Variants in B4GALT6 observed in about 807,000 individuals in gnomAD.
The protein encoded by B4GALT6 is UDP-Gal:beta-GlcNAc beta-1,4-galactosyltransferase 6.
Under a neutral mutation model 46.3 loss-of-function variants are expected in B4GALT6, and 14 were observed. The ratio of observed to expected loss-of-function variants is 0.30; its 90% CI spans 0.20 to 0.47. The LOEUF (loss-of-function observed/expected upper bound fraction) is 0.47. B4GALT6 is among the 20% of genes least tolerant of loss of function. The pLI is 0.99. For synonymous variants in B4GALT6, 168 were observed against 162.0 expected, an observed-to-expected ratio of 1.04 and a Z score of -0.28; for missense variants, 386 against 480.1, an observed-to-expected ratio of 0.80 and a Z score of 1.83.
chr18:31,662,325 G>A (rs987780540), intron 2 of B4GALT6, among the ~76,000 whole-genome samples: 3 of 152,234 alleles, frequency 2.0e-5, no homozygotes, highest in East Asian at 3.9e-4. Context: ...TCAGTACTCT[G>A]TCCGGTGGTA....
chr18:31,682,715 T>C (rs888298125), intron 1 of B4GALT6, among the ~76,000 whole-genome samples: 2 of 152,160 alleles, frequency 1.3e-5, no homozygotes, highest in Non-Finnish European at 2.9e-5. Context: ...AAAATTGTTA[T>C]GTAAGTGTGA....
At chr18:31,722,801 C>T in the B4GALT6 span, among the ~76,000 whole-genome samples, 4,270 of 152,238 alleles carry the variant, frequency 0.028, 163 homozygotes, top group African/African-American at 0.089. Flanking sequence ...TTCTTAGTGG[C>T]AGAATCACAC....
At chr18:31,644,582 G>A (rs530952256) in intron 4 of B4GALT6, among the ~76,000 whole-genome samples, 5 of 152,270 alleles carry the variant, frequency 3.3e-5, no homozygotes, top group African/African-American at 1.2e-4. Context: ...GTTTTCATTG[G>A]AATTACATAA....
chr18:31,673,810 C>G (rs1439514358), intron 1 of B4GALT6, among the ~76,000 whole-genome samples: 1 of 152,092 alleles, frequency 6.6e-6, no homozygotes, highest in African/African-American at 2.4e-5. Context: ...TTTCCAGATG[C>G]AATTAAGCTA....
At chr18:31,662,198 T>C (rs1032028177) in intron 2 of B4GALT6, among the ~76,000 whole-genome samples, 27 of 152,188 alleles carry the variant, frequency 1.8e-4, no homozygotes, top group Admixed American at 3.9e-4. Flanking sequence ...AGTTACGCAA[T>C]ATCATTATAT....
intron 1 of B4GALT6, among the ~76,000 whole-genome samples, chr18:31,677,689 A>C (rs2074429513): frequency 6.6e-6 from 1 of 152,232 alleles, no homozygotes; most frequent in Non-Finnish European, 1.5e-5. Flanking sequence ...TCTTTTAAAT[A>C]TTAAATCACC....
upstream of B4GALT6, among the ~76,000 whole-genome samples, chr18:31,687,938 G>T (rs1439691820): frequency 1.3e-5 from 2 of 152,128 alleles, no homozygotes; most frequent in Non-Finnish European, 1.5e-5. Context: ...GAATTTGCTT[G>T]TGAGCATGGT....
chr18:31,666,804 T>G (rs929554141), intron 1 of B4GALT6, among the ~76,000 whole-genome samples: 2 of 151,076 alleles, frequency 1.3e-5, no homozygotes, highest in Non-Finnish European at 2.9e-5. Context: ...ATAAATCCCA[T>G]AATATCTAGT....
chr18:31,646,164 G>T (rs1480181801), intron 3 of B4GALT6, among the ~76,000 whole-genome samples: 3 of 152,192 alleles, frequency 2.0e-5, no homozygotes, highest in Admixed American at 6.5e-5. Flanking sequence ...TACTGATTCT[G>T]AGCACTTACC....
chr18:31,626,391 T>G lies in B4GALT6; in HGVS notation c.900-7A>C. ...ATATCCAGCATAGTGAACTCTACAA[T>G]GCCATATATGGAAATGAAAATATAG... is the stretch of plus-strand genomic sequence containing the variant. On this transcript the variant is annotated splice_region_variant and splice_polypyrimidine_tract_variant and intron_variant, in intron 7 of 8. Coordinates refer to ENST00000306851, the MANE Select transcript of B4GALT6 (RefSeq NM_004775.5). 1.4e-6 allele frequency: 2 copies of G among 1,414,782 alleles called. No individual in the cohort carries two copies. The highest frequency in any genetic ancestry group is 2.0e-6 in the Non-Finnish European group (2 of 1,017,874). The allele number at this position is 1,414,782 out of a possible 1,614,324, so 87.6% of individuals were successfully genotyped here. A position where few individuals can be genotyped will look rare whatever the true frequency, so the allele number is the denominator to read the frequency against.
chr18:31,634,331 T>A (rs553784113), intron 5 of B4GALT6, among the ~76,000 whole-genome samples: 1 of 152,354 alleles, frequency 6.6e-6, no homozygotes, highest in African/African-American at 2.4e-5. Context: ...CAAGTAAAGA[T>A]GAGCAACTGG....
At chr18:31,629,269 C>T (rs1245773345) in intron 6 of B4GALT6, among the ~76,000 whole-genome samples, 1 of 151,982 alleles carries the variant, frequency 6.6e-6, no homozygotes, top group Non-Finnish European at 1.5e-5. Context: ...AGATTTTCAA[C>T]TGCATTCCGG....
At chr18:31,656,795 C>A (rs774862901) in intron 3 of B4GALT6, among the ~76,000 whole-genome samples, 1 of 152,110 alleles carries the variant, frequency 6.6e-6, no homozygotes, top group African/African-American at 2.4e-5. Context: ...TAGCAGACAA[C>A]AGGCCACTGC....
intron 4 of B4GALT6, 132 bp from the exon 5 acceptor site, chr18:31,638,892 C>A: frequency 1.4e-6 from 1 of 705,304 alleles, no homozygotes; most frequent in Non-Finnish European, 2.4e-6. Flanking sequence ...ATCAGAGATA[C>A]AACAGCAAGC....
chr18:31,662,449 T>A (rs1791172), intron 2 of B4GALT6, among the ~76,000 whole-genome samples: 102,408 of 152,108 alleles, frequency 0.67, 34,649 homozygotes, highest in South Asian at 0.8. Context: ...CACCTAATAA[T>A]AGTACCTACA....
chr18:31,695,003 T>G, the B4GALT6 span, among the ~76,000 whole-genome samples: 1 of 152,200 alleles, frequency 6.6e-6, no homozygotes, highest in African/African-American at 2.4e-5. Context: ...AAAATGACAT[T>G]AAAATATTCT....
chr18:31,643,423 G>A (rs781000229), intron 4 of B4GALT6, among the ~76,000 whole-genome samples: 15 of 151,948 alleles, frequency 9.9e-5, no homozygotes, highest in African/African-American at 1.2e-4. Context: ...CTCAGCCTCC[G>A]GAGTAGCTGG....
chr18:31,714,849 G>A, the B4GALT6 span, among the ~76,000 whole-genome samples: 3 of 152,100 alleles, frequency 2.0e-5, no homozygotes, highest in African/African-American at 4.8e-5. Flanking sequence ...TCATTTCCCT[G>A]GCTCTATGGC....
At chr18:31,651,709 T>C (rs1246000493) in intron 3 of B4GALT6, among the ~76,000 whole-genome samples, 2 of 152,156 alleles carry the variant, frequency 1.3e-5, no homozygotes, top group African/African-American at 2.4e-5. Flanking sequence ...ATTCACTTTC[T>C]AACCTGGCTC....
Sources: allele counts gnomAD v4.1 joint callset (sites outside exome capture counted in the v4.1 genomes callset), GRCh38; gene constraint gnomAD v4.1.1; transcripts MANE v1.5; gene names NCBI Gene and HGNC (gene_info 2026-07-23, HGNC 2026-07-21).